Variants in SLC12A1 observed in about 807,000 individuals in gnomAD.
SLC12A1 encodes the protein Na-K-2Cl cotransporter.
Under a neutral mutation model 130.4 loss-of-function variants are expected in SLC12A1, and 89 were observed. The ratio of observed to expected loss-of-function variants is 0.68; its 90% CI spans 0.58 to 0.81. The LOEUF is 0.81. SLC12A1 is among the 40% of genes least tolerant of loss of function. The pLI is 0.00. For missense variants in SLC12A1, 1,310 were observed against 1,336.4 expected, an observed-to-expected ratio of 0.98 and a Z score of 0.31; for synonymous variants, 499 against 460.0, an observed-to-expected ratio of 1.08 and a Z score of -1.09.
chr15:48,279,517 A>G (rs186246614), intron 20 of SLC12A1, among the ~76,000 whole-genome samples: 1 of 152,328 alleles, frequency 6.6e-6, no homozygotes, highest in African/African-American at 2.4e-5. Context: ...TTTAATATAA[A>G]TAAGATCGAT....
chr15:48,209,209 G>T (rs992228825), intron 2 of SLC12A1, among the ~76,000 whole-genome samples: 1 of 152,106 alleles, frequency 6.6e-6, no homozygotes, highest in Admixed American at 6.6e-5. Flanking sequence ...TTACAGGCAT[G>T]TGCCACCACC....
rs1296059245 is a variant in SLC12A1, at chr15:48,301,509, G to GGGGGGC, written c.3164+129_3164+130insGGGCGG. The GGGGGGC allele has an allele frequency of 3.6e-5, 18 of 506,842 alleles. No homozygotes were observed. In the Admixed American group the frequency reaches 5.5e-4, roughly 16 times the overall value. The allele number at this position is 506,842 out of a possible 1,614,324, so 31.4% of individuals were successfully genotyped here. ...TTGTTTTTGTGTTTTTTTTGGGGGG[G>GGGGGGC]GGAACACGTGGGATTCTTAGACAGT... On this transcript the variant is annotated intron_variant, in intron 26 of 26. Transcript: ENST00000380993.
intron 17 of SLC12A1, among the ~76,000 whole-genome samples, chr15:48,261,861 C>T (rs970554966): frequency 6.6e-6 from 1 of 152,130 alleles, no homozygotes. Context: ...GTCCCTTAGG[C>T]ACATAATTTC....
chr15:48,227,501 C>A (rs1476303360), intron 5 of SLC12A1: 1 of 335,074 alleles, frequency 3.0e-6, no homozygotes, highest in African/African-American at 2.1e-5. Context: ...GTCCTCTCAG[C>A]ATGGGTCTTC....
chr15:48,240,763 C>T (rs2041506638), intron 9 of SLC12A1, among the ~76,000 whole-genome samples: 1 of 151,798 alleles, frequency 6.6e-6, no homozygotes, highest in African/African-American at 2.4e-5. Context: ...TTTAATAATC[C>T]CTATTAAGTT....
At chr15:48,220,368 CA>C (rs1487662448) in intron 2 of SLC12A1, among the ~76,000 whole-genome samples, 1 of 152,012 alleles carries the variant, frequency 6.6e-6, no homozygotes, top group Non-Finnish European at 1.5e-5. Flanking sequence ...GACTTTTCAC[CA>C]GAAGAAATAT....
In SLC12A1 at chr15:48,274,817, T is replaced by C. The variant is rs6493315; in HGVS notation, c.2485+164T>C. On this transcript the variant is annotated intron_variant, in intron 20 of 26. Transcript: ENST00000380993. ...GCATATAGTTCCCCCAGTATTTTCT[T>C]CAATGCTAAGACAAGTAGCCTTTGC... Among the ~76,000 whole-genome samples the C allele has an allele frequency of 0.35, 52,765 of 152,080 alleles. 12,339 individuals carry two copies. Among genetic ancestry groups the C allele is most frequent in the African/African-American group, 0.65 (27,082 of 41,446 alleles).
In SLC12A1 at chr15:48,208,129, A is replaced by G. The variant is rs1217810198; in HGVS notation, c.410A>G (p.Gln137Arg). 2 of 1,583,790 alleles carry G rather than the reference A, an allele frequency of 1.3e-6. No individual in the cohort carries two copies. Among genetic ancestry groups the G allele is most frequent in the East Asian group, 2.2e-5 (1 of 44,542 alleles). Residue 137 changes from glutamine (Q) to arginine (R), a missense_variant, in exon 2 of 27, where the codon CAA becomes CGA. Gln to Arg is a conservative substitution (Grantham distance 43). Coordinates refer to ENST00000380993, the MANE Select transcript of SLC12A1 (RefSeq NM_000338.3). ...CCCAGCCTGCTTGAGATTCACGAGC[A>G]ACTCGCAAAGGTAAGCTTGAAGGAC... Reference protein sequence around the residue: ...NRPSLLEIHEQLAKNVAVTPS... With the variant: ...NRPSLLEIHERLAKNVAVTPS...
intron 25 of SLC12A1, among the ~76,000 whole-genome samples, chr15:48,300,997 T>A (rs1249901801): frequency 6.6e-6 from 1 of 152,220 alleles, no homozygotes; most frequent in South Asian, 2.1e-4. Flanking sequence ...ATGAGGCTCC[T>A]TGTAGTGTAG....
chr15:48,225,626 G>A (rs2041275262), intron 4 of SLC12A1: 1 of 152,094 alleles, frequency 6.6e-6, no homozygotes, highest in African/African-American at 2.4e-5. Context: ...GCTTTGTTTT[G>A]TACAACTTAG....
At chr15:48,246,815 G>A in intron 11 of SLC12A1, 94 bp from the exon 12 acceptor site, 1 of 847,482 alleles carries the variant, frequency 1.2e-6, no homozygotes, top group Non-Finnish European at 2.1e-6. Flanking sequence ...ATGTGAGAAT[G>A]AAGCAGGGGG....
chr15:48,211,529 T>A (rs1567301575), intron 2 of SLC12A1, among the ~76,000 whole-genome samples: 1 of 152,164 alleles, frequency 6.6e-6, no homozygotes. Context: ...CTTCACAGAT[T>A]TTGTATGCAA....
chr15:48,250,385 G>C (rs2041632780), intron 14 of SLC12A1, among the ~76,000 whole-genome samples: 1 of 152,092 alleles, frequency 6.6e-6, no homozygotes, highest in African/African-American at 2.4e-5. Context: ...GCCTCCTTTG[G>C]AAAAACTTGC....
chr15:48,241,450 C>G (rs1040762549), intron 9 of SLC12A1, 65 bp from the exon 10 acceptor site: 1 of 1,278,020 alleles, frequency 7.8e-7, no homozygotes, highest in Non-Finnish European at 1.1e-6. Flanking sequence ...ATGAAAATAA[C>G]TCCAAGTGAT....
Position 48,247,398 on chromosome 15 carries a change from A to G in SLC12A1, c.1622A>G (p.Asn541Ser). The G allele has an allele frequency of 6.2e-7, 1 of 1,611,838 alleles. No homozygotes were observed. Among genetic ancestry groups the G allele is most frequent in the African/African-American group, 1.3e-5 (1 of 74,988 alleles). Reference protein sequence around the residue: ...LQFFAKGYGKNNEPLRGYILT... With the variant: ...LQFFAKGYGKSNEPLRGYILT... Reference sequence around the variant, plus strand: ...TTTTTTGCAAAGGGATATGGGAAAAACAATGAACCCCTGAGAGGATATATT... The same window carrying G: ...TTTTTTGCAAAGGGATATGGGAAAAGCAATGAACCCCTGAGAGGATATATT... The change falls in exon 13 of 27, where the codon AAC (asparagine) becomes AGC (serine). Residue 541 changes from asparagine to serine, a missense_variant. By Grantham distance (46) the Asn-to-Ser change is conservative (BLOSUM62 1). Coordinates refer to ENST00000380993, the MANE Select transcript of SLC12A1 (RefSeq NM_000338.3).
At position 48,240,030 on chromosome 15, in the gene SLC12A1, C is replaced by CATATATATATATATATATCCATAT. The variant is rs2041487856; in HGVS notation, c.1216-1468_1216-1445dup. 1.6e-3 allele frequency among the ~76,000 whole-genome samples: 21 copies of CATATATATATATATATATCCATAT among 13,126 alleles called. 1 individual carries two copies. The highest frequency in any genetic ancestry group is 0.012 in the East Asian group (14 of 1,124). The allele number at this position is 13,126 out of a possible 152,430, so 8.6% of individuals were successfully genotyped here. A position where few individuals can be genotyped will look rare whatever the true frequency, so the allele number is the denominator to read the frequency against. On this transcript the variant is annotated intron_variant, in intron 9 of 26. Transcript: ENST00000380993. ...TTATCCATATATATATATATATATC[C>CATATATATATATATATATCCATAT]ATATATATATATATATATCCATATA...
At chr15:48,267,298 C>T (rs1461363934) in intron 17 of SLC12A1, among the ~76,000 whole-genome samples, 7 of 152,190 alleles carry the variant, frequency 4.6e-5, no homozygotes, top group Admixed American at 1.3e-4. Flanking sequence ...TTGCCCTCAA[C>T]TCTTCCTTTC....
At chr15:48,272,374 A>G (rs1263169552) in intron 19 of SLC12A1, among the ~76,000 whole-genome samples, 1 of 152,192 alleles carries the variant, frequency 6.6e-6, no homozygotes, top group Non-Finnish European at 1.5e-5. Flanking sequence ...TTCTTTGAAT[A>G]AAAGATTTTA....
At chr15:48,233,574 T>C (rs970644821) in intron 8 of SLC12A1, among the ~76,000 whole-genome samples, 3 of 152,208 alleles carry the variant, frequency 2.0e-5, no homozygotes, top group African/African-American at 7.2e-5. Context: ...TTGACTTCTT[T>C]CTCTCCTTAT....
Sources: allele counts gnomAD v4.1 joint callset (sites outside exome capture counted in the v4.1 genomes callset), GRCh38; gene constraint gnomAD v4.1.1; transcripts MANE v1.5; gene names NCBI Gene and HGNC (gene_info 2026-07-23, HGNC 2026-07-21).